The following XCR1 variants were observed in gnomAD, a reference collection of about 807,000 sequenced individuals.
The protein encoded by XCR1 is X-C motif chemokine receptor 1.
For missense variants in XCR1, 356 were observed against 424.2 expected (o/e 0.84, Z 1.41); for synonymous variants, 187 against 188.5 (o/e 0.99, Z 0.06).
At chr3:46,029,627 C>A (rs1416608767), upstream of XCR1, among the ~76,000 whole-genome samples, 2 of 152,244 alleles carry the variant, frequency 1.3e-5, no homozygotes, top group South Asian at 2.1e-4. Context: ...AAAATTAACT[C>A]AAAATGGATT....
chr3:46,023,239 C>T lies in XCR1; in HGVS notation c.-31-1261G>A, dbSNP rs550330292. The T allele has an allele frequency of 6.4e-5, 38 of 595,388 alleles. No individual in the cohort carries two copies. In the East Asian group the frequency reaches 8.5e-4, roughly 13 times the overall value. The allele number at this position is 595,388 out of a possible 1,614,324, so 36.9% of individuals were successfully genotyped here. A position where few individuals can be genotyped will look rare whatever the true frequency, so the allele number is the denominator to read the frequency against. On this transcript the variant is annotated intron_variant, in intron 1 of 1. Coordinates refer to ENST00000309285, the MANE Select transcript of XCR1 (RefSeq NM_001024644.2). ...GACGCGGCTGCGTCGCGCTCCCCTGCGATCCCCTCCATGTTCCCTGGCCCC... is the reference window on the plus strand; with the variant it reads ...GACGCGGCTGCGTCGCGCTCCCCTGTGATCCCCTCCATGTTCCCTGGCCCC...
At chr3:46,066,561 T>C (rs1159944676) in intron 4 of XCR1, among the ~76,000 whole-genome samples, 1 of 152,112 alleles carries the variant, frequency 6.6e-6, no homozygotes, top group Non-Finnish European at 1.5e-5. Context: ...CATTTCTTAG[T>C]GGGAAGTTGG....
chr3:46,076,111 C>G (rs893016644), intron 2 of XCR1, among the ~76,000 whole-genome samples: 2 of 152,226 alleles, frequency 1.3e-5, no homozygotes, highest in African/African-American at 4.8e-5. Flanking sequence ...TTAACAGTCA[C>G]CTTCCAACCC....
intron 1 of XCR1, 42 bp from the exon 2 acceptor site, chr3:46,022,020 T>C (rs1708167220): frequency 6.6e-7 from 1 of 1,506,094 alleles, no homozygotes; most frequent in African/African-American, 1.4e-5. Flanking sequence ...ATGTGGTGGC[T>C]GGGTACAGTG....
chr3:46,060,579 C>A (rs997827374), intron 4 of XCR1, among the ~76,000 whole-genome samples: 1 of 152,134 alleles, frequency 6.6e-6, no homozygotes, highest in Non-Finnish European at 1.5e-5. Flanking sequence ...ATTGTTGAAT[C>A]TCCTGGTGGA....
intron 1 of XCR1, among the ~76,000 whole-genome samples, chr3:46,084,487 T>C (rs1220974734): frequency 6.6e-6 from 1 of 152,224 alleles, no homozygotes; most frequent in East Asian, 1.9e-4. Flanking sequence ...GCCAAGTAGC[T>C]ATAAAATGCC....
At chr3:46,030,337 C>T (rs1708373608), upstream of XCR1, among the ~76,000 whole-genome samples, 5 of 152,066 alleles carry the variant, frequency 3.3e-5, no homozygotes, top group Admixed American at 3.3e-4. Flanking sequence ...GGAAATTCCC[C>T]TCTATTTCTA....
intron 1 of XCR1, among the ~76,000 whole-genome samples, chr3:46,085,236 C>T (rs989211343): frequency 6.7e-6 from 1 of 149,050 alleles, no homozygotes. Flanking sequence ...AAGGTTCCAT[C>T]ACCGCAAACA....
intron 3 of XCR1, among the ~76,000 whole-genome samples, chr3:46,073,908 A>T (rs1698207497): frequency 7.3e-6 from 1 of 136,250 alleles, no homozygotes; most frequent in Admixed American, 7.0e-5. Flanking sequence ...ATGGCAATTA[A>T]AAAAAAAAAA....
chr3:46,081,338 C>T (rs753053279), intron 1 of XCR1, among the ~76,000 whole-genome samples: 6 of 152,174 alleles, frequency 3.9e-5, no homozygotes, highest in Non-Finnish European at 8.8e-5. Context: ...TGATCCACAC[C>T]ATTTGGAAAA....
intron 5 of XCR1, among the ~76,000 whole-genome samples, chr3:46,036,800 C>T (rs58552652): frequency 0.22 from 33,824 of 151,962 alleles, 5,149 homozygotes; most frequent in African/African-American, 0.42. Flanking sequence ...TTCTGAGTTA[C>T]TGGTGAAAAT....
chr3:46,068,640 C>G (rs2125902324), intron 3 of XCR1, among the ~76,000 whole-genome samples: 1 of 152,154 alleles, frequency 6.6e-6, no homozygotes, highest in East Asian at 1.9e-4. Context: ...TTTAAAGATG[C>G]CGAGCCAACC....
intron 5 of XCR1, among the ~76,000 whole-genome samples, chr3:46,037,837 A>G (rs1348867808): frequency 1.3e-5 from 2 of 152,198 alleles, no homozygotes; most frequent in Non-Finnish European, 2.9e-5. Context: ...CAAATTTCAC[A>G]TACATGCTTG....
At chr3:46,024,214 CAAAAA>C (rs35174940) in intron 1 of XCR1, 58 of 198,024 alleles carry the variant, frequency 2.9e-4, no homozygotes, top group African/African-American at 3.8e-4. Context: ...GTTAATCCAG[CAAAAA>C]AAAAAAAAAA....
intron 2 of XCR1, among the ~76,000 whole-genome samples, chr3:46,075,308 C>CAAAAAAAAAAAA (rs56787185): frequency 2.4e-4 from 15 of 61,670 alleles, no homozygotes; most frequent in African/African-American, 8.3e-4. Flanking sequence ...GCTCATAGAC[C>CAAAAAAAAAAAA]AAAAAAAAAA....
rs1224554437 is a variant in XCR1, at chr3:46,019,572, A to T, written c.*1374T>A. On this transcript the variant is annotated 3_prime_UTR_variant, in exon 2 of 2. Transcript: ENST00000309285. ...AGAACATGTTCCAGGCCCAGGTGAC[A>T]GCATGACAAATGCCTAGAGGTAGGG... 6.6e-6 allele frequency: 1 copy of T among 152,232 alleles called. No homozygotes were observed. The highest frequency in any genetic ancestry group is 1.5e-5 in the Non-Finnish European group (1 of 68,048). 9.4% of individuals were successfully genotyped at this position (152,232 alleles called of 1,614,324 possible).
intron 4 of XCR1, among the ~76,000 whole-genome samples, chr3:46,063,725 C>T (rs1462069126): frequency 1.3e-5 from 2 of 152,228 alleles, no homozygotes. Context: ...TGCCTGAAAA[C>T]TCTCTCACGT....
At position 46,021,308 on chromosome 3, in the gene XCR1, G is replaced by A. The variant is rs768217698; in HGVS notation, c.640C>T (p.Arg214Cys). 3.7e-6 allele frequency: 6 copies of A among 1,614,070 alleles called. No individual in the cohort carries two copies. The highest frequency in any genetic ancestry group is 2.2e-5 in the East Asian group (1 of 44,898). The change falls in exon 2 of 2, where the codon CGC (arginine) becomes TGC (cysteine). Residue 214 changes from arginine (R) to cysteine (C), a missense_variant. By Grantham distance (180) the Arg-to-Cys change is radical. Coordinates refer to ENST00000309285, the MANE Select transcript of XCR1 (RefSeq NM_001024644.2). The surrounding 1 kb of genome is among the most constrained non-coding windows in gnomAD (Gnocchi z 4.7). ...CYVEILRTLF[R>C]SRSKRRHRTV... ...CGGTGGCGCCGCTTGGAGCGTGAGC[G>A]GAACAGGGTCCTGAGGATCTCCACG... is the stretch of plus-strand genomic sequence containing the variant.
chr3:46,056,784 G>C (rs1207758051), intron 4 of XCR1, among the ~76,000 whole-genome samples: 1 of 151,990 alleles, frequency 6.6e-6, no homozygotes, highest in African/African-American at 2.4e-5. Context: ...CCCTGTACCT[G>C]GCTGGCAGCT....
Sources: gnomAD v4.1 joint callset for allele counts (sites outside exome capture counted in the v4.1 genomes callset) on GRCh38, gnomAD v4.1.1 for gene constraint, Gnocchi (gnomAD v3.1) non-coding constraint, MANE v1.5 for transcripts, NCBI Gene and HGNC (gene_info 2026-07-23, HGNC 2026-07-21) for gene names.